RGS14: variants seen among roughly 807,000 people sequenced by gnomAD.
The protein encoded by RGS14 is regulator of G protein signaling 14, also known as regulator of G-protein signaling 14.
In RGS14, 33 loss-of-function variants were observed where a neutral mutation model predicts 63.8. The ratio of observed to expected loss-of-function variants is 0.52; its 90% confidence interval spans 0.39 to 0.69. The LOEUF is 0.69. RGS14 is among the 30% of genes least tolerant of loss of function. RGS14 has a pLI of 0.00. For missense variants in RGS14, 739 were observed against 742.9 expected (o/e 0.99, Z 0.06); for synonymous variants, 296 against 320.9 (o/e 0.92, Z 0.83).
chr5:177,368,614 C>A, intron 8 of RGS14, 103 bp from the exon 9 acceptor site: 2 of 1,150,684 alleles, frequency 1.7e-6, no homozygotes, highest in Non-Finnish European at 2.5e-6. Flanking sequence ...CTTGGGAGTG[C>A]GTGTGCATGC....
rs1410735853 is a variant in RGS14 at position 177,358,118 on chromosome 5, C to G, written c.45+49C>G. ...GCCACGAGGAGGGGGTGGGCACACC[C>G]AGGGTGGAGCCCAGGAGGCACACCC... On this transcript the variant is annotated intron_variant, in intron 1 of 14. Transcript: ENST00000408923. The surrounding 1 kb of genome is among the most constrained non-coding windows in gnomAD (Gnocchi z 4.8). The G allele has an allele frequency of 4.6e-6, 6 of 1,292,608 alleles. No homozygotes were observed. Among genetic ancestry groups the G allele is most frequent in the Non-Finnish European group, 5.0e-6 (5 of 1,008,546 alleles). 80.1% of individuals were successfully genotyped at this position (1,292,608 alleles called of 1,614,324 possible). A position where few individuals can be genotyped will look rare whatever the true frequency, so the allele number is the denominator to read the frequency against.
chr5:177,368,602 G>A (rs1762165078), intron 8 of RGS14, 115 bp from the exon 9 acceptor site: 2 of 1,047,694 alleles, frequency 1.9e-6, no homozygotes, highest in Non-Finnish European at 1.4e-6. Flanking sequence ...ATCTTTGCCT[G>A]CCTTGGGAGT....
Position 177,371,282 on chromosome 5 carries a change from A to C in RGS14, c.1336+36A>C. The stretch of plus-strand genomic sequence containing the variant: ...CTGGCCTCGGGGCTTGATCTGGAAC[A>C]GCTGTGGCCCAGGAGGAAGGGGGTC... On this transcript the variant is annotated intron_variant, in intron 12 of 14. Coordinates refer to ENST00000408923, the MANE Select transcript of RGS14 (RefSeq NM_006480.5). This position sits in a 1 kb window ranked among gnomAD's most constrained non-coding sequence, Gnocchi z 6.1. 1 of 1,613,916 alleles carries C rather than the reference A, an allele frequency of 6.2e-7. No homozygotes were observed. Among genetic ancestry groups the C allele is most frequent in the Non-Finnish European group, 8.5e-7 (1 of 1,179,902 alleles).
chr5:177,361,086 G>A (rs1009977284), intron 1 of RGS14, among the ~76,000 whole-genome samples: 2 of 152,208 alleles, frequency 1.3e-5, no homozygotes, highest in African/African-American at 4.8e-5. Context: ...GGCCTAGTTA[G>A]TCTTCCCCTC....
Position 177,368,234 on chromosome 5 carries a change from G to A in RGS14, c.817G>A (p.Gly273Ser), listed in dbSNP as rs1013712052. ...SLNSSASLDL[G>S]FLAFVSSKSE... ...CAACTCCTCCGCCAGCCTGGACCTT[G>A]GCTTCCTAGCCTTCGTCAGCAGCAA... is the stretch of plus-strand genomic sequence containing the variant. The change falls in exon 8 of 15, where the codon GGC becomes AGC. Residue 273 changes from glycine (G) to serine (S), a missense_variant. Transcript: ENST00000408923. 10 of 1,613,612 alleles carry A rather than the reference G, an allele frequency of 6.2e-6. No homozygotes were observed. The highest frequency in any genetic ancestry group is 8.5e-6 in the Non-Finnish European group (10 of 1,179,762).
chr5:177,358,106 G>A lies in RGS14; in HGVS notation c.45+37G>A. 12 of 1,323,676 alleles carry A rather than the reference G, an allele frequency of 9.1e-6. No individual in the cohort carries two copies. Among genetic ancestry groups the A allele is most frequent in the Non-Finnish European group, 1.1e-5 (11 of 1,027,166 alleles). The allele number at this position is 1,323,676 out of a possible 1,614,324, so 82.0% of individuals were successfully genotyped here. ...CTCCGGGCCAGGGCCACGAGGAGGG[G>A]GTGGGCACACCCAGGGTGGAGCCCA... On this transcript the variant is annotated intron_variant, in intron 1 of 14. Transcript: ENST00000408923. This position sits in a 1 kb window ranked among gnomAD's most constrained non-coding sequence, Gnocchi z 4.8.
chr5:177,371,028 C>T lies in RGS14; in HGVS notation c.1251C>T (p.His417=). 6.5e-7 allele frequency: 1 copy of T among 1,532,964 alleles called. No individual in the cohort carries two copies. Among genetic ancestry groups the T allele is most frequent in the Non-Finnish European group, 8.7e-7 (1 of 1,148,404 alleles). 95.0% of individuals were successfully genotyped at this position (1,532,964 alleles called of 1,614,324 possible). ...TGAGCCCGCTAGAGGTGGTGCTGCA[C>T]CGGGTGAGCTTCCGGGCCGCGGGGC... ...HGLSPLEVVL[H]RPGEKQPLDL... is the part of the protein sequence containing the mutation. The change falls in exon 11 of 15, where the codon CAC becomes CAT. Residue 417 remains histidine (H), a synonymous_variant. Coordinates refer to ENST00000408923, the MANE Select transcript of RGS14 (RefSeq NM_006480.5). This position sits in a 1 kb window ranked among gnomAD's most constrained non-coding sequence, Gnocchi z 6.1.
At chr5:177,367,682 G>GC in intron 6 of RGS14, 32 bp from the exon 7 acceptor site, 1 of 1,601,920 alleles carries the variant, frequency 6.2e-7, no homozygotes, top group East Asian at 2.2e-5. Flanking sequence ...CTGGGGCCCA[G>GC]CCCGGTGCCA....
At chr5:177,367,313 T>C in intron 5 of RGS14, 101 bp from the exon 6 acceptor site, 2 of 1,433,368 alleles carry the variant, frequency 1.4e-6, no homozygotes, top group South Asian at 1.3e-5. Context: ...AATCCAGCCC[T>C]AGGTTTGGGG....
At chr5:177,360,261 A>C (rs1761932149) in intron 1 of RGS14, among the ~76,000 whole-genome samples, 1 of 152,098 alleles carries the variant, frequency 6.6e-6, no homozygotes, top group Non-Finnish European at 1.5e-5. Flanking sequence ...CCTGCCCCCT[A>C]GTCTGGCAAG....
rs1762055325 is a variant in RGS14, at chr5:177,364,907, G to A, written c.46-1056G>A. ...AGCATCAGCATCGCCTGGGAGCTTG[G>A]TAGAAATGGACAGCCTCAGGCCCCA... On this transcript the variant is annotated intron_variant, in intron 1 of 14. Transcript: ENST00000408923. The surrounding 1 kb of genome is among the most constrained non-coding windows in gnomAD (Gnocchi z 4.6). Among the ~76,000 whole-genome samples, 1 of 152,144 alleles carries A rather than the reference G, an allele frequency of 6.6e-6. No homozygotes were observed. The highest frequency in any genetic ancestry group is 1.5e-5 in the Non-Finnish European group (1 of 68,032).
chr5:177,371,096 G>A lies in RGS14; in HGVS notation c.1254+65G>A. ...GGCCGGGGCCGGGGCCGGGGCCGGG[G>A]CCGGGGCCGGGGCCGGGGCCGGGGC... On this transcript the variant is annotated intron_variant, in intron 11 of 14. Coordinates refer to ENST00000408923, the MANE Select transcript of RGS14 (RefSeq NM_006480.5). The surrounding 1 kb of genome is among the most constrained non-coding windows in gnomAD (Gnocchi z 6.1). 1 of 841,746 alleles carries A rather than the reference G, an allele frequency of 1.2e-6. No individual in the cohort carries two copies. Among genetic ancestry groups the A allele is most frequent in the East Asian group, 6.5e-5 (1 of 15,278 alleles). The allele number at this position is 841,746 out of a possible 1,614,324, so 52.1% of individuals were successfully genotyped here.
chr5:177,364,192 T>C lies in RGS14; in HGVS notation c.46-1771T>C, dbSNP rs1041214772. On this transcript the variant is annotated intron_variant, in intron 1 of 14. Coordinates refer to ENST00000408923, the MANE Select transcript of RGS14 (RefSeq NM_006480.5). The surrounding 1 kb of genome is among the most constrained non-coding windows in gnomAD (Gnocchi z 4.6). Reference sequence around the variant, plus strand: ...TTCAGGAGGGTGGGGGTTGGGGGGCTTTCCGGGGTGGAGATGTTTGCAGGC... The same window carrying C: ...TTCAGGAGGGTGGGGGTTGGGGGGCCTTCCGGGGTGGAGATGTTTGCAGGC... 1.3e-5 allele frequency among the ~76,000 whole-genome samples: 2 copies of C among 152,020 alleles called. No homozygotes were observed. The highest frequency in any genetic ancestry group is 4.8e-5 in the African/African-American group (2 of 41,362).
Position 177,371,070 on chromosome 5 carries a change from GGGCCGGGGCCGGGGCCGGGGCC to G in RGS14, c.1254+42_1254+63del. On this transcript the variant is annotated intron_variant, in intron 11 of 14. Coordinates refer to ENST00000408923, the MANE Select transcript of RGS14 (RefSeq NM_006480.5). This position sits in a 1 kb window ranked among gnomAD's most constrained non-coding sequence, Gnocchi z 6.1. ...CCGCGGGGCGGGGCGGGGCGGGGCC[GGGCCGGGGCCGGGGCCGGGGCC>G]GGGGCCGGGGCCGGGGCCGGGGCCG... 7.9e-6 allele frequency: 1 copy of G among 126,450 alleles called. No individual in the cohort carries two copies. The highest frequency in any genetic ancestry group is 9.2e-6 in the Non-Finnish European group (1 of 108,836). The allele number at this position is 126,450 out of a possible 1,614,324, so 7.8% of individuals were successfully genotyped here. A position where few individuals can be genotyped will look rare whatever the true frequency, so the allele number is the denominator to read the frequency against.
chr5:177,367,864 G>C (rs1387565137), intron 7 of RGS14, 39 bp downstream of exon 7: 2 of 1,515,024 alleles, frequency 1.3e-6, no homozygotes, highest in Non-Finnish European at 1.8e-6. Context: ...TGGGGAAGGC[G>C]GGAGTTTGGT....
chr5:177,367,978 C>T (rs1013674365), intron 7 of RGS14, 153 bp downstream of exon 7: 7 of 1,438,250 alleles, frequency 4.9e-6, no homozygotes, highest in Non-Finnish European at 6.4e-6. Flanking sequence ...CTGGGTGGTT[C>T]GGGTCTTGGG....
intron 5 of RGS14, 147 bp from the exon 6 acceptor site, chr5:177,367,267 T>A: frequency 8.6e-7 from 1 of 1,165,024 alleles, no homozygotes; most frequent in African/African-American, 1.7e-5. Context: ...ACCCCGGGGG[T>A]GGGTATAGGA....
At chr5:177,370,512 G>C in intron 9 of RGS14, 79 bp from the exon 10 acceptor site, 1 of 1,286,590 alleles carries the variant, frequency 7.8e-7, no homozygotes, top group Non-Finnish European at 1.1e-6. Flanking sequence ...ATGGGAGGGC[G>C]TGAAGTTGTT....
chr5:177,370,564 T>C, intron 9 of RGS14, 27 bp from the exon 10 acceptor site: 2 of 1,608,886 alleles, frequency 1.2e-6, no homozygotes, highest in Non-Finnish European at 1.7e-6. Flanking sequence ...GGAGGGACTC[T>C]TAGACCCTGC....
Sources: allele counts gnomAD v4.1 joint callset (sites outside exome capture counted in the v4.1 genomes callset), GRCh38; gene constraint gnomAD v4.1.1; non-coding constraint Gnocchi (gnomAD v3.1); transcripts MANE v1.5; gene names NCBI Gene and HGNC (gene_info 2026-07-23, HGNC 2026-07-21).